Variants in CARM1 observed in about 807,000 individuals in gnomAD.
CARM1 encodes the protein coactivator associated arginine methyltransferase 1, also known as histone-arginine methyltransferase CARM1.
CARM1 carries 14 observed loss-of-function variants against 72.7 expected under a neutral mutation model. That is an observed-to-expected ratio of 0.19 (90% CI 0.13 to 0.30). The LOEUF is 0.30. Ranked by LOEUF, CARM1 falls within the 10% of genes least tolerant of loss-of-function variation. The pLI is 1.00. For synonymous variants in CARM1, 333 were observed against 345.5 expected (o/e 0.96, Z 0.40); for missense variants, 432 against 833.7 (o/e 0.52, Z 5.93).
At chr19:10,908,967 C>A in intron 3 of CARM1, 136 bp from the exon 4 acceptor site, 1 of 591,926 alleles carries the variant, frequency 1.7e-6, no homozygotes, top group Non-Finnish European at 3.0e-6. Flanking sequence ...GCTAGTGGGG[C>A]CCAGGCAGAG....
rs371099655 is a variant in CARM1 at position 10,921,029 on chromosome 19, C to T, written c.1538-21C>T. ...CTGGCCCCTCTGCCTCCAGCCCTGA[C>T]GTCTCCCTCTCTGGACACAGGGATG... On this transcript the variant is annotated intron_variant, in intron 13 of 15. Coordinates refer to ENST00000327064, the MANE Select transcript of CARM1 (RefSeq NM_199141.2). 36 of 1,613,346 alleles carry T rather than the reference C, an allele frequency of 2.2e-5. No homozygotes were observed. The Middle Eastern group carries it at 1.2e-3, about 52-fold the overall frequency.
chr19:10,903,832 C>T (rs893676001), intron 1 of CARM1, among the ~76,000 whole-genome samples: 3 of 152,046 alleles, frequency 2.0e-5, no homozygotes, highest in East Asian at 3.8e-4. Context: ...CCTCCTGAGT[C>T]CCTAAGACAA....
intron 1 of CARM1, among the ~76,000 whole-genome samples, chr19:10,887,982 G>C (rs567842437): frequency 2.0e-5 from 3 of 152,220 alleles, no homozygotes; most frequent in African/African-American, 7.2e-5. Context: ...CCAGGGTGTG[G>C]AGGGTCCCAG....
rs1461323756 is a variant in CARM1 at position 10,920,231 on chromosome 19, C to T, written c.1197-205C>T. 3.9e-5 allele frequency among the ~76,000 whole-genome samples: 6 copies of T among 152,062 alleles called. No homozygotes were observed. The highest frequency in any genetic ancestry group is 2.1e-4 in the South Asian group (1 of 4,814). On this transcript the variant is annotated intron_variant, in intron 10 of 15. Coordinates refer to ENST00000327064, the MANE Select transcript of CARM1 (RefSeq NM_199141.2). The surrounding 1 kb of genome is among the most constrained non-coding windows in gnomAD (Gnocchi z 5.3). ...CACATGTCAGGGTGAGTAGGGATCT[C>T]GTGGTTGCGGGCCCCTCGTGTGTAC...
intron 2 of CARM1, among the ~76,000 whole-genome samples, chr19:10,905,922 T>C (rs1351845298): frequency 6.7e-6 from 1 of 149,072 alleles, no homozygotes; most frequent in Non-Finnish European, 1.5e-5. Context: ...ATTACAGATG[T>C]GAGCCACCGT....
intron 2 of CARM1, among the ~76,000 whole-genome samples, chr19:10,905,281 C>T (rs2074094596): frequency 6.6e-6 from 1 of 152,262 alleles, no homozygotes. Flanking sequence ...CCCTCACCGG[C>T]TCCTCCGGGT....
chr19:10,913,673 A>G (rs2074172235), intron 5 of CARM1, among the ~76,000 whole-genome samples: 1 of 152,104 alleles, frequency 6.6e-6, no homozygotes, highest in African/African-American at 2.4e-5. Flanking sequence ...TGCTGGGATT[A>G]CAGGCATGAG....
chr19:10,906,716 C>T (rs1470352649), intron 2 of CARM1, among the ~76,000 whole-genome samples: 1 of 152,076 alleles, frequency 6.6e-6, no homozygotes, highest in African/African-American at 2.4e-5. Context: ...CCGCCTGCCT[C>T]CGCCTCCCAA....
At chr19:10,874,813 G>A (rs2360219) in intron 1 of CARM1, among the ~76,000 whole-genome samples, 64,112 of 152,080 alleles carry the variant, frequency 0.42, 13,571 homozygotes, top group East Asian at 0.57. Context: ...CTTGAGGTCA[G>A]GAGGTTGAGA....
chr19:10,887,395 C>A (rs2073949753), intron 1 of CARM1, among the ~76,000 whole-genome samples: 2 of 151,952 alleles, frequency 1.3e-5, no homozygotes, highest in African/African-American at 4.8e-5. Context: ...TGTGCCACAT[C>A]TGGAATCACA....
intron 4 of CARM1, 102 bp downstream of exon 4, chr19:10,909,309 T>A: frequency 1.3e-6 from 1 of 741,568 alleles, no homozygotes; most frequent in African/African-American, 1.8e-5. Context: ...AGAAATGCAT[T>A]TATCTCAGTT....
At chr19:10,907,919 C>G in intron 2 of CARM1, 120 bp from the exon 3 acceptor site, 1 of 652,458 alleles carries the variant, frequency 1.5e-6, no homozygotes, top group Non-Finnish European at 2.8e-6. Context: ...AGAGAAATCA[C>G]CAGCCCTGTA....
chr19:10,922,996 G>A lies in CARM1; in HGVS notation c.*1239G>A, dbSNP rs752684657. 1.3e-4 allele frequency: 35 copies of A among 276,160 alleles called. No individual in the cohort carries two copies. The highest frequency in any genetic ancestry group is 2.0e-4 in the Non-Finnish European group (29 of 147,696). The allele number at this position is 276,160 out of a possible 1,614,324, so 17.1% of individuals were successfully genotyped here. On this transcript the variant is annotated 3_prime_UTR_variant, in exon 16 of 16. Transcript: ENST00000327064. ...AGCCCTGTCCCAAAGCTCCCTGCTC[G>A]GCTGCCCCTCGCCCGCCTTTATATA... is the stretch of plus-strand genomic sequence containing the variant.
chr19:10,902,649 C>T (rs1174635474), intron 1 of CARM1, among the ~76,000 whole-genome samples: 1 of 150,778 alleles, frequency 6.6e-6, no homozygotes, highest in Non-Finnish European at 1.5e-5. Context: ...ATTCTTGTCA[C>T]CCAGGCTAGA....
rs550752801 is a variant in CARM1 at position 10,916,027 on chromosome 19, A to G, written c.848-380A>G. Among the ~76,000 whole-genome samples the G allele has an allele frequency of 1.3e-5, 2 of 152,316 alleles. No homozygotes were observed. The highest frequency in any genetic ancestry group is 4.8e-5 in the African/African-American group (2 of 41,578). On this transcript the variant is annotated intron_variant, in intron 6 of 15. Coordinates refer to ENST00000327064, the MANE Select transcript of CARM1 (RefSeq NM_199141.2). This position sits in a 1 kb window ranked among gnomAD's most constrained non-coding sequence, Gnocchi z 4.4. ...TCCCTCTGTCCAGAGCAACTTTGCT[A>G]TGCTTTCCCGGCTGCACACATGCAC...
chr19:10,893,282 C>T (rs2074001019), intron 1 of CARM1, among the ~76,000 whole-genome samples: 1 of 152,128 alleles, frequency 6.6e-6, no homozygotes, highest in Admixed American at 6.6e-5. Flanking sequence ...CATGATCCAC[C>T]TGCTTCGGCC....
chr19:10,919,280 G>T (rs555507279), intron 8 of CARM1: 3 of 292,268 alleles, frequency 1.0e-5, no homozygotes, highest in Non-Finnish European at 1.9e-5. Context: ...TAATTAGATG[G>T]TTTCCAGTGT....
At chr19:10,887,060 A>G (rs986851967) in intron 1 of CARM1, among the ~76,000 whole-genome samples, 5 of 152,180 alleles carry the variant, frequency 3.3e-5, no homozygotes, top group South Asian at 2.1e-4. Context: ...CCTAATTTGT[A>G]TAAGAGGAAA....
chr19:10,875,453 C>G (rs1010699821), intron 1 of CARM1, among the ~76,000 whole-genome samples: 6 of 151,076 alleles, frequency 4.0e-5, no homozygotes, highest in Admixed American at 4.0e-4. Context: ...GAGACGGAGT[C>G]TGGCTCTGTC....
Sources: gnomAD v4.1 joint callset for allele counts (sites outside exome capture counted in the v4.1 genomes callset) on GRCh38, gnomAD v4.1.1 for gene constraint, Gnocchi (gnomAD v3.1) non-coding constraint, MANE v1.5 for transcripts, NCBI Gene and HGNC (gene_info 2026-07-23, HGNC 2026-07-21) for gene names.